RHOBTB1: variants seen among roughly 807,000 people sequenced by gnomAD.
RHOBTB1 encodes Rho related BTB domain containing 1.
RHOBTB1 carries 40 observed loss-of-function variants against 71.6 expected under a neutral mutation model. The ratio of observed to expected loss-of-function variants is 0.56; its 90% CI spans 0.43 to 0.73. The LOEUF (loss-of-function observed/expected upper bound fraction) is 0.73. Among genes scored for constraint, RHOBTB1 ranks in the 30% least tolerant of loss-of-function variants. The probability of loss-of-function intolerance (pLI) is 0.00; values close to 1 mark genes in which losing one functional copy is unlikely to be tolerated. For missense variants in RHOBTB1, 797 were observed against 894.0 expected (o/e 0.89, Z 1.38); for synonymous variants, 319 against 334.9 (o/e 0.95, Z 0.52).
At chr10:60,885,169 GA>G (rs1205242551) in intron 7 of RHOBTB1, among the ~76,000 whole-genome samples, 1 of 152,054 alleles carries the variant, frequency 6.6e-6, no homozygotes. Context: ...GCTAAAAGAC[GA>G]TTTTAAATGT....
upstream of RHOBTB1, among the ~76,000 whole-genome samples, chr10:60,948,698 T>C (rs867242851): frequency 2.0e-5 from 3 of 152,234 alleles, no homozygotes; most frequent in African/African-American, 7.2e-5. Context: ...AATAAGCTCA[T>C]GTATGGCCCA....
Position 60,892,894 on chromosome 10 carries a change from G to A in RHOBTB1, c.398C>T (p.Thr133Ile). 1 of 1,614,132 alleles carries A rather than the reference G, an allele frequency of 6.2e-7. No homozygotes were observed. The highest frequency in any genetic ancestry group is 1.1e-5 in the South Asian group (1 of 91,078). The change falls in exon 5 of 11, where the codon ACA (threonine) becomes ATA (isoleucine). Residue 133 changes from threonine to isoleucine, a missense_variant. Physicochemically the swap from Thr to Ile is moderately conservative, Grantham distance 89. Transcript: ENST00000337910. ...YPEIKHFCPRTPVILVGCQLD... is the reference protein window; with the variant it reads ...YPEIKHFCPRIPVILVGCQLD... ...CTGGCACCCAACAAGGATAACGGGT[G>A]TTCGAGGGCAAAAGTGCTTGATTTC...
chr10:60,985,445 C>T (rs538347420), intron 2 of RHOBTB1, among the ~76,000 whole-genome samples: 44 of 152,302 alleles, frequency 2.9e-4, no homozygotes, highest in African/African-American at 1.0e-3. Flanking sequence ...AAGAGAAATG[C>T]CACGCACAGC....
rs554293345 is a variant in RHOBTB1 at position 60,892,720 on chromosome 10, T to C, written c.482+90A>G. ...GCTGATTGATGGGATCCAGGAGTGT[T>C]GAAGAGCAGAACACCAGGCTACAGA... On this transcript the variant is annotated intron_variant, in intron 5 of 10. Transcript: ENST00000337910. 6.1e-6 allele frequency: 7 copies of C among 1,154,676 alleles called. No homozygotes were observed. The African/African-American group carries it at 7.7e-5, about 13-fold the overall frequency. The allele number at this position is 1,154,676 out of a possible 1,614,324, so 71.5% of individuals were successfully genotyped here.
intron 1 of RHOBTB1, chr10:60,986,054 T>A (rs769528890): frequency 5.3e-5 from 8 of 152,170 alleles, no homozygotes; most frequent in Non-Finnish European, 1.2e-4. Context: ...GAATGAGAAG[T>A]ATGCCAGCCA....
At chr10:60,965,949 G>A (rs1182934627) in intron 2 of RHOBTB1, among the ~76,000 whole-genome samples, 1 of 152,144 alleles carries the variant, frequency 6.6e-6, no homozygotes, top group Non-Finnish European at 1.5e-5. Flanking sequence ...ATCGGGGGAA[G>A]TGGTTGGCCA....
chr10:60,879,024 T>A (rs10821848), intron 7 of RHOBTB1, among the ~76,000 whole-genome samples: 1 of 152,178 alleles, frequency 6.6e-6, no homozygotes, highest in Non-Finnish European at 1.5e-5. Flanking sequence ...TTTCCACACA[T>A]ATTCTTTAAT....
chr10:60,958,211 C>T (rs1565135346), intron 2 of RHOBTB1, among the ~76,000 whole-genome samples: 1 of 152,066 alleles, frequency 6.6e-6, no homozygotes, highest in Admixed American at 6.6e-5. Flanking sequence ...AAGGTTGAAG[C>T]CTGAAAAAAT....
At chr10:60,967,852 A>G (rs1456978847) in intron 2 of RHOBTB1, among the ~76,000 whole-genome samples, 1 of 152,108 alleles carries the variant, frequency 6.6e-6, no homozygotes, top group Non-Finnish European at 1.5e-5. Context: ...TGGTCATATT[A>G]CCCTTTCATT....
At chr10:60,968,497 A>G (rs940398540) in intron 2 of RHOBTB1, among the ~76,000 whole-genome samples, 3 of 152,138 alleles carry the variant, frequency 2.0e-5, no homozygotes, top group Non-Finnish European at 2.9e-5. Context: ...TGCTAGGGAC[A>G]ATGAGTAAGC....
At chr10:60,986,403 AG>A (rs1474125711) in intron 1 of RHOBTB1, among the ~76,000 whole-genome samples, 15 of 88,120 alleles carry the variant, frequency 1.7e-4, no homozygotes, top group Non-Finnish European at 2.7e-4. Flanking sequence ...TATAAATAAA[AG>A]ATATATATAT....
chr10:60,886,021 A>G, intron 7 of RHOBTB1, 91 bp downstream of exon 7: 1 of 904,276 alleles, frequency 1.1e-6, no homozygotes, highest in South Asian at 1.5e-5. Flanking sequence ...TTTAAGGATT[A>G]AAGTCATCTG....
intron 6 of RHOBTB1, 55 bp downstream of exon 6, chr10:60,888,157 C>T (rs192921228): frequency 1.4e-5 from 21 of 1,550,848 alleles, no homozygotes; most frequent in African/African-American, 4.1e-5. Context: ...GTCTGGCTAA[C>T]GTTCAATGAA....
At chr10:60,923,909 T>C (rs2083709549) in intron 2 of RHOBTB1, among the ~76,000 whole-genome samples, 1 of 152,230 alleles carries the variant, frequency 6.6e-6, no homozygotes, top group Non-Finnish European at 1.5e-5. Context: ...CCTCATTTTC[T>C]CTATAAATTA....
At chr10:60,989,455 T>C (rs879178167) in intron 1 of RHOBTB1, among the ~76,000 whole-genome samples, 1 of 152,232 alleles carries the variant, frequency 6.6e-6, no homozygotes, top group Admixed American at 6.5e-5. Flanking sequence ...ATAAGATACG[T>C]TGATACTTGT....
chr10:60,893,048 T>C, intron 4 of RHOBTB1, 53 bp from the exon 5 acceptor site: 1 of 1,399,580 alleles, frequency 7.1e-7, no homozygotes, highest in Non-Finnish European at 9.9e-7. Context: ...GGTTTTTTCT[T>C]TTACCATTAT....
intron 2 of RHOBTB1, among the ~76,000 whole-genome samples, chr10:60,963,570 T>C (rs1287012615): frequency 3.9e-5 from 6 of 152,152 alleles, no homozygotes; most frequent in Admixed American, 3.9e-4. Flanking sequence ...TCTAGGAAGC[T>C]TCCTGTGGTT....
At chr10:60,890,215 C>G (rs1464815605) in intron 5 of RHOBTB1, among the ~76,000 whole-genome samples, 2 of 152,030 alleles carry the variant, frequency 1.3e-5, no homozygotes, top group Non-Finnish European at 2.9e-5. Flanking sequence ...AAATCTTTGC[C>G]TTCTTTTTTC....
chr10:60,872,102 G>T, intron 10 of RHOBTB1, 83 bp downstream of exon 10: 3 of 1,033,714 alleles, frequency 2.9e-6, no homozygotes, highest in Non-Finnish European at 4.6e-6. Context: ...TGCTGACCAT[G>T]TTCCTTTCCA....
Sources: allele counts gnomAD v4.1 joint callset (sites outside exome capture counted in the v4.1 genomes callset), GRCh38; gene constraint gnomAD v4.1.1; transcripts MANE v1.5; gene names NCBI Gene and HGNC (gene_info 2026-07-23, HGNC 2026-07-21).